AMBRA1: variants seen among roughly 807,000 people sequenced by gnomAD.
AMBRA1 encodes autophagy and beclin 1 regulator 1.
In AMBRA1, 47 loss-of-function variants were observed where a neutral mutation model predicts 125.4. The ratio of observed to expected loss-of-function variants is 0.37; its 90% CI spans 0.30 to 0.48. The LOEUF is 0.48. AMBRA1 is among the 20% of genes least tolerant of loss of function. The pLI, the probability that AMBRA1 is intolerant of heterozygous loss-of-function variation, is 0.99. For synonymous variants in AMBRA1, 626 were observed against 655.5 expected (o/e 0.95, Z 0.69); for missense variants, 1,331 against 1,693.4 (o/e 0.79, Z 3.76).
At chr11:46,515,292 G>A (rs1951428250) in intron 7 of AMBRA1, among the ~76,000 whole-genome samples, 3 of 152,160 alleles carry the variant, frequency 2.0e-5, no homozygotes, top group Admixed American at 2.0e-4. Context: ...GGGCAACATG[G>A]TGAGACTCCA....
chr11:46,439,699 C>T (rs893065020), intron 12 of AMBRA1, among the ~76,000 whole-genome samples: 6 of 152,080 alleles, frequency 3.9e-5, no homozygotes, highest in East Asian at 1.9e-4. Context: ...AGTCAAAACT[C>T]GAATGACAAG....
intron 7 of AMBRA1, among the ~76,000 whole-genome samples, chr11:46,536,556 T>C (rs570060061): frequency 2.3e-4 from 35 of 152,324 alleles, no homozygotes; most frequent in Admixed American, 5.2e-4. Flanking sequence ...CTTTCTATAG[T>C]AGTCAGGCTA....
rs1442330680 is a variant in AMBRA1 at position 46,545,453 on chromosome 11, C to A, written c.551+151G>T. The A allele has an allele frequency of 1.4e-5, 12 of 849,950 alleles. No individual in the cohort carries two copies. In the Admixed American group the frequency reaches 2.1e-4, roughly 15 times the overall value. 52.7% of individuals were successfully genotyped at this position (849,950 alleles called of 1,614,324 possible). On this transcript the variant is annotated intron_variant, in intron 5 of 17. Coordinates refer to ENST00000683756, the MANE Select transcript of AMBRA1 (RefSeq NM_001387011.1). ...CTCCACCCTGGGTGACAGAGTGACA[C>A]CCTGTCTCAAAAAAAAAATAGGAGG...
chr11:46,501,012 T>A (rs1170203561), intron 9 of AMBRA1, among the ~76,000 whole-genome samples: 2 of 152,228 alleles, frequency 1.3e-5, no homozygotes, highest in African/African-American at 4.8e-5. Context: ...AAGACAAAGA[T>A]CTAGCTCCAT....
rs1591083675 is a variant in AMBRA1 at position 46,545,998 on chromosome 11, T to C, written c.379-222A>G. On this transcript the variant is annotated intron_variant, in intron 4 of 17. Coordinates refer to ENST00000683756, the MANE Select transcript of AMBRA1 (RefSeq NM_001387011.1). ...TCAGTTCTTCAAATTAGTCACAATC[T>C]ACAAGCATTAAGCATATATACACAG... 5 of 478,346 alleles carry C rather than the reference T, an allele frequency of 1.0e-5. No individual in the cohort carries two copies. In the East Asian group the frequency reaches 1.9e-4, roughly 18 times the overall value. 29.6% of individuals were successfully genotyped at this position (478,346 alleles called of 1,614,324 possible).
chr11:46,501,253 T>C (rs1302215025), intron 9 of AMBRA1, among the ~76,000 whole-genome samples: 1 of 152,258 alleles, frequency 6.6e-6, no homozygotes, highest in Admixed American at 6.5e-5. Flanking sequence ...CCCATGTCTG[T>C]GTGGGTTTTC....
chr11:46,484,867 G>C (rs570174789), intron 11 of AMBRA1, among the ~76,000 whole-genome samples: 1 of 150,672 alleles, frequency 6.6e-6, no homozygotes, highest in Non-Finnish European at 1.5e-5. Flanking sequence ...GGATGATCTC[G>C]ATCTCCTGAC....
intron 7 of AMBRA1, 100 bp from the exon 8 acceptor site, chr11:46,512,913 T>C (rs61882718): frequency 2.8e-6 from 3 of 1,068,500 alleles, no homozygotes; most frequent in Non-Finnish European, 4.0e-6. Flanking sequence ...TTTCCCCTTT[T>C]GCAGCCAGCT....
chr11:46,479,275 T>C (rs1949958942), intron 11 of AMBRA1, among the ~76,000 whole-genome samples: 1 of 152,172 alleles, frequency 6.6e-6, no homozygotes, highest in Non-Finnish European at 1.5e-5. Flanking sequence ...GCCTACTTAG[T>C]TGTGGCAGCA....
intron 11 of AMBRA1, among the ~76,000 whole-genome samples, chr11:46,489,118 AG>A (rs1950376158): frequency 6.6e-6 from 1 of 152,006 alleles, no homozygotes; most frequent in Non-Finnish European, 1.5e-5. Flanking sequence ...CACAACGTGC[AG>A]GTTTGTTACA....
At chr11:46,552,011 G>A (rs1200712684) in intron 1 of AMBRA1, among the ~76,000 whole-genome samples, 1 of 151,212 alleles carries the variant, frequency 6.6e-6, no homozygotes, top group Non-Finnish European at 1.5e-5. Flanking sequence ...CTGGGTGACA[G>A]AGTGAAACTC....
intron 11 of AMBRA1, among the ~76,000 whole-genome samples, chr11:46,469,658 T>C (rs2136873423): frequency 6.6e-6 from 1 of 152,088 alleles, no homozygotes; most frequent in East Asian, 1.9e-4. Context: ...GCAACATATA[T>C]TTCTTTCTTT....
chr11:46,494,227 A>T, intron 9 of AMBRA1, 23 bp from the exon 10 acceptor site: 1 of 1,563,782 alleles, frequency 6.4e-7, no homozygotes. Flanking sequence ...AAAACACTAC[A>T]CATAAGAGAG....
intron 7 of AMBRA1, among the ~76,000 whole-genome samples, chr11:46,527,269 CA>C (rs1952013217): frequency 6.6e-6 from 1 of 151,798 alleles, no homozygotes; most frequent in African/African-American, 2.4e-5. Context: ...CACTGGAAGC[CA>C]GGAGTTCGAG....
chr11:46,444,215 G>A lies in AMBRA1; in HGVS notation c.2522-617C>T, dbSNP rs1411346948. 3.9e-5 allele frequency among the ~76,000 whole-genome samples: 6 copies of A among 152,120 alleles called. No homozygotes were observed. The South Asian group carries it at 8.3e-4, about 21-fold the overall frequency. On this transcript the variant is annotated intron_variant, in intron 11 of 17. Transcript: ENST00000683756. ...GGCACGTAACACAATAAAAATTTAT[G>A]AGCCTCACTTTGTAGCATCAGAATA... is the stretch of plus-strand genomic sequence containing the variant.
chr11:46,508,898 A>G (rs1951158158), intron 8 of AMBRA1, among the ~76,000 whole-genome samples: 1 of 152,234 alleles, frequency 6.6e-6, no homozygotes, highest in Non-Finnish European at 1.5e-5. Context: ...CAACAAGTAT[A>G]CACAGCTCCA....
At chr11:46,482,754 T>C (rs1950121341) in intron 11 of AMBRA1, among the ~76,000 whole-genome samples, 1 of 152,106 alleles carries the variant, frequency 6.6e-6, no homozygotes, top group Non-Finnish European at 1.5e-5. Flanking sequence ...CTCACGCCTG[T>C]AATCCCAGCA....
intron 9 of AMBRA1, among the ~76,000 whole-genome samples, chr11:46,499,399 A>C (rs1950749119): frequency 6.6e-6 from 1 of 152,104 alleles, no homozygotes; most frequent in South Asian, 2.1e-4. Flanking sequence ...ACAAATATTC[A>C]TATGTATTTT....
intron 1 of AMBRA1, among the ~76,000 whole-genome samples, chr11:46,583,779 C>T (rs61882752): frequency 1.3e-4 from 19 of 151,260 alleles, no homozygotes; most frequent in African/African-American, 2.9e-4. Flanking sequence ...AAAATGCTCA[C>T]CATCACTGGC....
Sources: gnomAD v4.1 joint callset for allele counts (sites outside exome capture counted in the v4.1 genomes callset) on GRCh38, gnomAD v4.1.1 for gene constraint, MANE v1.5 for transcripts, NCBI Gene and HGNC (gene_info 2026-07-23, HGNC 2026-07-21) for gene names.